Variants in ANK1 observed in about 807,000 individuals in gnomAD.
ANK1 encodes the protein ankyrin-1.
Under a neutral mutation model 210.4 loss-of-function variants are expected in ANK1, and 51 were observed. The ratio of observed to expected loss-of-function variants is 0.24; its 90% CI spans 0.19 to 0.31. The LOEUF is 0.31. Ranked by LOEUF, ANK1 falls within the 10% of genes least tolerant of loss-of-function variation. ANK1 has a pLI of 1.00. For missense variants in ANK1, 2,051 were observed against 2,504.4 expected (o/e 0.82, Z 3.86); for synonymous variants, 967 against 1,025.9 (o/e 0.94, Z 1.10).
At chr8:41,791,108 A>G (rs1586968474) in intron 1 of ANK1, among the ~76,000 whole-genome samples, 2 of 138,062 alleles carry the variant, frequency 1.4e-5, no homozygotes, top group Admixed American at 7.5e-5. Flanking sequence ...AATCATCATC[A>G]CCCTCCATCA....
intron 2 of ANK1, among the ~76,000 whole-genome samples, chr8:41,745,651 G>A (rs1341112832): frequency 1.3e-5 from 2 of 152,044 alleles, no homozygotes; most frequent in African/African-American, 4.8e-5. Context: ...ACACATTTTG[G>A]GAATCACAGC....
chr8:41,688,712 C>T (rs1189862790), intron 33 of ANK1, 123 bp from the exon 34 acceptor site: 13 of 846,418 alleles, frequency 1.5e-5, no homozygotes, highest in African/African-American at 3.4e-5. Flanking sequence ...ACAATCAGTC[C>T]GTTTCTTCAG....
chr8:41,821,736 G>A (rs531378179), intron 1 of ANK1, among the ~76,000 whole-genome samples: 1 of 152,220 alleles, frequency 6.6e-6, no homozygotes, highest in South Asian at 2.1e-4. Flanking sequence ...TTGGCCTTAT[G>A]AAATCTGCTG....
chr8:41,824,687 G>A (rs750632721), intron 1 of ANK1, among the ~76,000 whole-genome samples: 4 of 152,152 alleles, frequency 2.6e-5, no homozygotes, highest in Non-Finnish European at 5.9e-5. Flanking sequence ...GAAAGGTGGA[G>A]CCTCTGCCCT....
intron 1 of ANK1, among the ~76,000 whole-genome samples, chr8:41,852,667 C>G (rs949185159): frequency 6.6e-6 from 1 of 152,236 alleles, no homozygotes; most frequent in Admixed American, 6.5e-5. Flanking sequence ...GGGAAACATC[C>G]TTTGCCTGGT....
At chr8:41,864,527 C>G (rs1389841448) in intron 1 of ANK1, among the ~76,000 whole-genome samples, 2 of 152,080 alleles carry the variant, frequency 1.3e-5, no homozygotes, top group African/African-American at 4.8e-5. Flanking sequence ...ACATGAGATC[C>G]CCTCAACTGA....
At chr8:41,779,214 G>A (rs1183692773) in intron 1 of ANK1, among the ~76,000 whole-genome samples, 1 of 151,926 alleles carries the variant, frequency 6.6e-6, no homozygotes, top group Non-Finnish European at 1.5e-5. Flanking sequence ...CATGCCCCTT[G>A]CTTGGTCTGG....
chr8:41,654,588 C>G lies in ANK1; in HGVS notation c.*1202G>C, dbSNP rs1805087438. 1 of 152,696 alleles carries G rather than the reference C, an allele frequency of 6.5e-6. No individual in the cohort carries two copies. Among genetic ancestry groups the G allele is most frequent in the Admixed American group, 6.5e-5 (1 of 15,286 alleles). The allele number at this position is 152,696 out of a possible 1,614,324, so 9.5% of individuals were successfully genotyped here. On this transcript the variant is annotated 3_prime_UTR_variant, in exon 43 of 43. Coordinates refer to ENST00000289734, the MANE Select transcript of ANK1 (RefSeq NM_000037.4). The stretch of plus-strand genomic sequence containing the variant: ...CTGGCAGATACATTCACTAGCCCTA[C>G]TCCTTTCCTTCCTCTTTCACTGAAA...
chr8:41,731,593 C>A (rs1318162752), intron 3 of ANK1, among the ~76,000 whole-genome samples: 5 of 142,922 alleles, frequency 3.5e-5, no homozygotes, highest in Non-Finnish European at 7.7e-5. Flanking sequence ...TTTTTTTTTT[C>A]ATCTTTCTGC....
intron 2 of ANK1, among the ~76,000 whole-genome samples, chr8:41,738,891 C>A (rs1183502847): frequency 6.6e-6 from 1 of 152,144 alleles, no homozygotes; most frequent in African/African-American, 2.4e-5. Context: ...ATATTTCTTC[C>A]CTCAAATAAC....
In ANK1 at chr8:41,830,406, A is replaced by G. The variant is rs184495243; in HGVS notation, c.126+65949T>C. Among the ~76,000 whole-genome samples the G allele has an allele frequency of 3.6e-3, 548 of 151,890 alleles. 3 individuals are homozygous for G. Among genetic ancestry groups the G allele is most frequent in the African/African-American group, 0.012 (478 of 41,362 alleles). On this transcript the variant is annotated intron_variant, in intron 1 of 42. Coordinates refer to the ANK1 transcript ENST00000265709. ...AAACTATTTTTAAGCTAAATCATCA[A>G]TCAAAAGTATTCTTCATTCTGGTAT...
At chr8:41,782,652 C>A (rs987770467) in intron 1 of ANK1, among the ~76,000 whole-genome samples, 1 of 152,168 alleles carries the variant, frequency 6.6e-6, no homozygotes, top group African/African-American at 2.4e-5. Flanking sequence ...CAGATTCTCG[C>A]TGAATTGAAT....
At chr8:41,679,558 C>CTTTTTT (rs869249907) in intron 37 of ANK1, among the ~76,000 whole-genome samples, 1,342 of 89,864 alleles carry the variant, frequency 0.015, 8 homozygotes, top group Non-Finnish European at 0.017. Context: ...CCTGGACTTT[C>CTTTTTT]TTTTTTTTTT....
chr8:41,729,892 C>T (rs779399869), intron 3 of ANK1, among the ~76,000 whole-genome samples: 5 of 152,020 alleles, frequency 3.3e-5, no homozygotes, highest in African/African-American at 9.7e-5. Flanking sequence ...GGGGCAGGGG[C>T]GGGCAGCCTC....
In ANK1 at chr8:41,665,012, G is replaced by A. The variant is rs760468292; in HGVS notation, c.5395-1270C>T. ...CCAGCGTGACCAACAGCTGGGTGACGAAAGTCCACATCCTCGCCTCCTCAC... is the reference window on the plus strand; with the variant it reads ...CCAGCGTGACCAACAGCTGGGTGACAAAAGTCCACATCCTCGCCTCCTCAC... On this transcript the variant is annotated intron_variant, in intron 39 of 42. Coordinates refer to ENST00000289734, the MANE Select transcript of ANK1 (RefSeq NM_000037.4). 4.0e-5 allele frequency: 65 copies of A among 1,613,722 alleles called. 1 individual carries two copies. In the Admixed American group the frequency reaches 4.2e-4, roughly 10 times the overall value.
At chr8:41,758,601 C>A (rs1396596659) in intron 1 of ANK1, among the ~76,000 whole-genome samples, 1 of 151,964 alleles carries the variant, frequency 6.6e-6, no homozygotes, top group African/African-American at 2.4e-5. Flanking sequence ...CTTGGCCTCC[C>A]AAAGTGTTGG....
chr8:41,750,459 G>T (rs1050347375), intron 2 of ANK1, among the ~76,000 whole-genome samples: 27 of 152,184 alleles, frequency 1.8e-4, no homozygotes, highest in Non-Finnish European at 7.3e-5. Flanking sequence ...ATGCACGATT[G>T]CACAAGGCTT....
chr8:41,712,428 C>T (rs1302060468), intron 16 of ANK1, among the ~76,000 whole-genome samples: 1 of 152,232 alleles, frequency 6.6e-6, no homozygotes, highest in Non-Finnish European at 1.5e-5. Flanking sequence ...AATTGAGATA[C>T]AAGTGCCACT....
chr8:41,847,649 G>A (rs1810314553), intron 1 of ANK1, among the ~76,000 whole-genome samples: 1 of 152,144 alleles, frequency 6.6e-6, no homozygotes, highest in South Asian at 2.1e-4. Flanking sequence ...CCAGCAACCT[G>A]ACTCTAAGTT....
Sources: gnomAD v4.1 joint callset for allele counts (sites outside exome capture counted in the v4.1 genomes callset) on GRCh38, gnomAD v4.1.1 for gene constraint, MANE v1.5 for transcripts, NCBI Gene and HGNC (gene_info 2026-07-23, HGNC 2026-07-21) for gene names.